The following HOOK3 variants were observed in gnomAD, a reference collection of about 807,000 sequenced individuals.
HOOK3 encodes protein Hook homolog 3.
HOOK3 carries 24 observed loss-of-function variants against 116.3 expected under a neutral mutation model. The observed-to-expected ratio is 0.21, with a 90% CI of 0.15 to 0.29. HOOK3 has a LOEUF of 0.29. Among genes scored for constraint, HOOK3 ranks in the 10% least tolerant of loss-of-function variants. The pLI is 1.00. For synonymous variants in HOOK3, 275 were observed against 283.0 expected, an observed-to-expected ratio of 0.97 and a Z score of 0.28; for missense variants, 632 against 830.2, an observed-to-expected ratio of 0.76 and a Z score of 2.93.
chr8:43,025,713 T>G lies in HOOK3; in HGVS notation c.*7215T>G, dbSNP rs1038037209. The G allele has an allele frequency of 9.3e-6, 2 of 215,076 alleles. No homozygotes were observed. The highest frequency in any genetic ancestry group is 4.5e-5 in the African/African-American group (2 of 44,314). 13.3% of individuals were successfully genotyped at this position (215,076 alleles called of 1,614,324 possible). A position where few individuals can be genotyped will look rare whatever the true frequency, so the allele number is the denominator to read the frequency against. ...CCAAGGATACTATGATTTGATGAGA[T>G]GAGAAGAAATCTGCGGTGGCTGAAA... On this transcript the variant is annotated 3_prime_UTR_variant, in exon 22 of 22. Transcript: ENST00000307602.
At chr8:42,970,706 C>A (rs914694479) in intron 11 of HOOK3, among the ~76,000 whole-genome samples, 4 of 149,800 alleles carry the variant, frequency 2.7e-5, no homozygotes, top group African/African-American at 9.9e-5. Flanking sequence ...TTGCCAAATT[C>A]TCATATTACT....
At chr8:42,938,870 G>C (rs563667230) in intron 4 of HOOK3, among the ~76,000 whole-genome samples, 2 of 152,146 alleles carry the variant, frequency 1.3e-5, no homozygotes, top group South Asian at 4.1e-4. Context: ...GCTGCATTCC[G>C]CAGTGTTTGT....
chr8:42,995,020 G>A (rs988510276), intron 15 of HOOK3, among the ~76,000 whole-genome samples: 5 of 152,164 alleles, frequency 3.3e-5, no homozygotes, highest in Non-Finnish European at 7.4e-5. Context: ...GGTATTACTA[G>A]TAATGTGTTT....
At chr8:42,907,831 A>C (rs1325966245) in intron 2 of HOOK3, among the ~76,000 whole-genome samples, 4 of 150,516 alleles carry the variant, frequency 2.7e-5, no homozygotes, top group Non-Finnish European at 4.4e-5. Context: ...AAAAAAAAAA[A>C]AAAAAAAACA....
chr8:42,927,618 T>C (rs952338177), intron 3 of HOOK3, among the ~76,000 whole-genome samples: 5 of 151,984 alleles, frequency 3.3e-5, no homozygotes, highest in African/African-American at 1.2e-4. Context: ...TTTATTTACT[T>C]TTTTTTGAGA....
At chr8:42,928,818 A>G (rs1407511641) in intron 3 of HOOK3, among the ~76,000 whole-genome samples, 1 of 152,174 alleles carries the variant, frequency 6.6e-6, no homozygotes, top group Non-Finnish European at 1.5e-5. Context: ...AAGGTGGGCG[A>G]ATCACCTGAG....
At chr8:42,992,172 G>A (rs6995265) in intron 15 of HOOK3, among the ~76,000 whole-genome samples, 160 of 152,042 alleles carry the variant, frequency 1.1e-3, no homozygotes, top group African/African-American at 3.6e-3. Flanking sequence ...AGGCCGAGGC[G>A]GGTGGATCAC....
chr8:42,916,575 T>G (rs1463574145), intron 2 of HOOK3, among the ~76,000 whole-genome samples: 8 of 152,202 alleles, frequency 5.3e-5, no homozygotes, highest in Non-Finnish European at 8.8e-5. Flanking sequence ...CACATCCTAT[T>G]CCCACTTTGC....
intron 14 of HOOK3, among the ~76,000 whole-genome samples, chr8:42,985,757 C>A (rs953533276): frequency 1.3e-5 from 2 of 151,730 alleles, no homozygotes; most frequent in South Asian, 2.1e-4. Flanking sequence ...AAAAAAAAGT[C>A]CATGTTGCCC....
At position 42,959,718 on chromosome 8, in the gene HOOK3, G is replaced by GAA. The variant is rs529721762; in HGVS notation, c.615+429_615+430dup. On this transcript the variant is annotated intron_variant, in intron 8 of 21. Coordinates refer to ENST00000307602, the MANE Select transcript of HOOK3 (RefSeq NM_032410.4). The stretch of plus-strand genomic sequence containing the variant: ...TGGGTGACAGAGCAAGACTACATCT[G>GAA]AAAAAAAAAAAAAAAAAAAAAAAAA... Among the ~76,000 whole-genome samples, 46 of 29,040 alleles carry GAA rather than the reference G, an allele frequency of 1.6e-3. 1 individual carries two copies. The highest frequency in any genetic ancestry group is 3.8e-3 in the African/African-American group (29 of 7,546). 19.1% of individuals were successfully genotyped at this position (29,040 alleles called of 152,430 possible).
At chr8:42,952,115 C>T (rs756248149) in intron 6 of HOOK3, among the ~76,000 whole-genome samples, 9 of 152,158 alleles carry the variant, frequency 5.9e-5, no homozygotes, top group Admixed American at 1.3e-4. Context: ...AGTTCAGACA[C>T]CAGCTCCAGG....
intron 6 of HOOK3, among the ~76,000 whole-genome samples, chr8:42,952,890 A>G (rs1444921469): frequency 2.6e-5 from 4 of 152,140 alleles, no homozygotes; most frequent in Non-Finnish European, 2.9e-5. Flanking sequence ...TGGAGGCTCT[A>G]TAGTCATCAG....
At chr8:42,973,049 G>C (rs1808753049) in intron 11 of HOOK3, among the ~76,000 whole-genome samples, 1 of 152,144 alleles carries the variant, frequency 6.6e-6, no homozygotes, top group Non-Finnish European at 1.5e-5. Context: ...TGCTAGAAAT[G>C]AAAATCCTAT....
intron 4 of HOOK3, among the ~76,000 whole-genome samples, chr8:42,938,014 G>C (rs1041373213): frequency 6.6e-6 from 1 of 152,126 alleles, no homozygotes; most frequent in Non-Finnish European, 1.5e-5. Context: ...CTATTGTTGT[G>C]TGGGAGTCTA....
intron 17 of HOOK3, among the ~76,000 whole-genome samples, chr8:43,007,016 ATTTTTTT>A (rs58609523): frequency 2.3e-4 from 24 of 103,274 alleles, no homozygotes; most frequent in East Asian, 5.4e-4. Context: ...AAGTTCCTAG[ATTTTTTT>A]TTTTTTTTTT....
chr8:42,949,746 G>A (rs986899332), intron 5 of HOOK3, among the ~76,000 whole-genome samples: 6 of 151,922 alleles, frequency 3.9e-5, no homozygotes, highest in Admixed American at 3.9e-4. Context: ...GGTGAAAACC[G>A]GTCTCTACTA....
chr8:42,937,584 A>C (rs980808340), intron 4 of HOOK3, among the ~76,000 whole-genome samples: 1 of 151,998 alleles, frequency 6.6e-6, no homozygotes, highest in Non-Finnish European at 1.5e-5. Context: ...ATTCTGGTAC[A>C]TTGTGTCTTT....
At chr8:42,989,819 A>C (rs1306466885) in intron 15 of HOOK3, among the ~76,000 whole-genome samples, 2 of 152,048 alleles carry the variant, frequency 1.3e-5, no homozygotes, top group Non-Finnish European at 2.9e-5. Flanking sequence ...TAGCTCCCAC[A>C]AATAAGTGAG....
At position 42,964,322 on chromosome 8, in the gene HOOK3, G is replaced by T. The variant is rs770509739; in HGVS notation, c.627G>T (p.Leu209Phe). The T allele has an allele frequency of 1.5e-5, 25 of 1,614,120 alleles. No individual in the cohort carries two copies. The highest frequency in any genetic ancestry group is 2.1e-5 in the Non-Finnish European group (25 of 1,179,998). ...CTATATTCCAACAGGTTGCAGCATTGCAGGAAGAGAAAAGTAGTTTGTTGG... is the reference window on the plus strand; with the variant it reads ...CTATATTCCAACAGGTTGCAGCATTTCAGGAAGAGAAAAGTAGTTTGTTGG... ...CHELDMQVAA[L>F]QEEKSSLLAE... The change falls in exon 9 of 22, where the codon TTG becomes TTT. Residue 209 changes from leucine to phenylalanine, a missense_variant. By Grantham distance (22) the Leu-to-Phe change is conservative. This residue lies in a region of HOOK3 where 483 missense variants were observed against 648.1 expected (regional missense o/e 0.75). Transcript: ENST00000307602.
Sources: gnomAD v4.1 joint callset for allele counts (sites outside exome capture counted in the v4.1 genomes callset) on GRCh38, gnomAD v4.1.1 for gene constraint, gnomAD v4.1.1 regional missense constraint, MANE v1.5 for transcripts, NCBI Gene and HGNC (gene_info 2026-07-23, HGNC 2026-07-21) for gene names.